The following SOX6 variants were observed in gnomAD, a reference collection of about 807,000 sequenced individuals.
The protein encoded by SOX6 is transcription factor SOX-6.
SOX6 carries 11 observed loss-of-function variants against 97.8 expected under a neutral mutation model. The ratio of observed to expected loss-of-function variants is 0.11; its 90% confidence interval spans 0.07 to 0.19. The LOEUF (loss-of-function observed/expected upper bound fraction) is 0.19, where lower values mean the gene tolerates loss of function less well. Among genes scored for constraint, SOX6 ranks in the 10% least tolerant of loss-of-function variants. SOX6 has a pLI of 1.00. For missense variants in SOX6, 810 were observed against 1,039.5 expected (o/e 0.78, Z 3.04); for synonymous variants, 360 against 371.4 (o/e 0.97, Z 0.35).
intron 4 of SOX6, among the ~76,000 whole-genome samples, chr11:16,194,212 G>T (rs1242792733): frequency 6.6e-6 from 1 of 152,048 alleles, no homozygotes; most frequent in Non-Finnish European, 1.5e-5. Context: ...ACACTAAATG[G>T]CCCTAGTGCA....
In SOX6 at chr11:16,162,666, G is replaced by A. The variant is rs111948989; in HGVS notation, c.777+21220C>T. The stretch of plus-strand genomic sequence containing the variant: ...GCAGATGCCCAGTGCCTTGCTTTCT[G>A]TACAGCCTGCAGAACCATGAGCCTT... On this transcript the variant is annotated intron_variant, in intron 6 of 15. Transcript: ENST00000683767. Among the ~76,000 whole-genome samples, 576 of 152,300 alleles carry A rather than the reference G, an allele frequency of 3.8e-3. 3 individuals carry two copies. The highest frequency in any genetic ancestry group is 5.9e-3 in the Non-Finnish European group (403 of 68,024).
intron 9 of SOX6, among the ~76,000 whole-genome samples, chr11:16,068,384 A>G (rs1667425416): frequency 6.6e-6 from 1 of 152,152 alleles, no homozygotes; most frequent in African/African-American, 2.4e-5. Context: ...ATAACGAGTC[A>G]TTACAGACTG....
intron 6 of SOX6, among the ~76,000 whole-genome samples, chr11:16,165,337 CATT>C (rs1850859631): frequency 6.6e-6 from 1 of 152,180 alleles, no homozygotes; most frequent in Non-Finnish European, 1.5e-5. Flanking sequence ...AAGGCAGAGA[CATT>C]ATCTTTTTCA....
At chr11:16,609,980 G>C (rs1474239943) in intron 4 of SOX6, among the ~76,000 whole-genome samples, 1 of 152,188 alleles carries the variant, frequency 6.6e-6, no homozygotes, top group Non-Finnish European at 1.5e-5. Context: ...CTGGTACCTT[G>C]CTGGGCAGCT....
chr11:16,428,977 T>C (rs1859215189), intron 1 of SOX6, among the ~76,000 whole-genome samples: 1 of 151,970 alleles, frequency 6.6e-6, no homozygotes, highest in African/African-American at 2.4e-5. Context: ...GTTCTTCCAT[T>C]TGTTTGTATC....
intron 1 of SOX6, among the ~76,000 whole-genome samples, chr11:16,471,793 GA>G (rs748575737): frequency 6.6e-6 from 1 of 152,126 alleles, no homozygotes; most frequent in Non-Finnish European, 1.5e-5. Flanking sequence ...GCAGTCAGGA[GA>G]CAGCCCTAGC....
In SOX6 at chr11:16,061,402, C is replaced by A. The variant is rs1440242333; in HGVS notation, c.1102-5501G>T. Among the ~76,000 whole-genome samples the A allele has an allele frequency of 6.7e-5, 10 of 149,962 alleles. No homozygotes were observed. The East Asian group carries it at 2.0e-3, about 29-fold the overall frequency. On this transcript the variant is annotated intron_variant, in intron 9 of 15. Coordinates refer to ENST00000683767, the MANE Select transcript of SOX6 (RefSeq NM_001367873.1). ...TGAAAAAAATTGTAGATGACATAAA[C>A]AAATGGAAAAACATCCAATGGTCAT... is the stretch of plus-strand genomic sequence containing the variant.
At chr11:16,237,094 C>T (rs961916819) in intron 3 of SOX6, among the ~76,000 whole-genome samples, 11 of 151,842 alleles carry the variant, frequency 7.2e-5, no homozygotes, top group African/African-American at 2.7e-4. Flanking sequence ...AAAGTTAGTA[C>T]ATACAAGCTT....
intron 1 of SOX6, among the ~76,000 whole-genome samples, chr11:16,352,681 A>G (rs1003520441): frequency 6.6e-6 from 1 of 152,152 alleles, no homozygotes; most frequent in Non-Finnish European, 1.5e-5. Context: ...ACTAATTTAT[A>G]CCATTCCTGT....
chr11:16,080,450 G>C (rs2133954243), intron 9 of SOX6, among the ~76,000 whole-genome samples: 1 of 152,166 alleles, frequency 6.6e-6, no homozygotes, highest in Non-Finnish European at 1.5e-5. Context: ...TACTCTGAAA[G>C]ATTTTTGTAT....
At chr11:16,642,652 A>T (rs1484039050) in intron 3 of SOX6, among the ~76,000 whole-genome samples, 3 of 151,808 alleles carry the variant, frequency 2.0e-5, no homozygotes, top group Admixed American at 1.3e-4. Flanking sequence ...TTCTCGCTTC[A>T]TTTCATTCTT....
intron 3 of SOX6, among the ~76,000 whole-genome samples, chr11:16,269,759 T>A (rs149748971): frequency 6.3e-4 from 95 of 151,356 alleles, no homozygotes; most frequent in African/African-American, 2.2e-3. Context: ...TGCTATTTTC[T>A]ACAAAAGCTA....
At position 16,532,236 on chromosome 11, in the gene SOX6, A is replaced by T. The variant is rs1861246491; in HGVS notation, n.610-55848T>A. On this transcript the variant is annotated intron_variant and non_coding_transcript_variant, in intron 4 of 5. Coordinates refer to the SOX6 transcript ENST00000524520. ...CATTTTTTTAAGTGACTAGTCTTAG[A>T]ACTAATCCCAAAGAACCCTCTCTGT... 2.0e-5 allele frequency among the ~76,000 whole-genome samples: 3 copies of T among 151,902 alleles called. No individual in the cohort carries two copies. In the South Asian group the frequency reaches 6.2e-4, roughly 31 times the overall value.
intron 1 of SOX6, among the ~76,000 whole-genome samples, chr11:16,472,153 A>G (rs2133116662): frequency 6.6e-6 from 1 of 152,328 alleles, no homozygotes; most frequent in South Asian, 2.1e-4. Context: ...CAGGAAAAAG[A>G]TCCTTTGGGT....
chr11:16,706,981 G>A (rs1848141813), intron 3 of SOX6, among the ~76,000 whole-genome samples: 1 of 151,814 alleles, frequency 6.6e-6, no homozygotes, highest in Admixed American at 6.6e-5. Flanking sequence ...ATGCACACTG[G>A]GAATAGATGT....
intron 3 of SOX6, chr11:16,645,874 G>T (rs972276485): frequency 5.9e-5 from 9 of 152,106 alleles, no homozygotes; most frequent in African/African-American, 2.2e-4. Flanking sequence ...CTTTGTTACA[G>T]CAGCCCTAGA....
chr11:16,373,867 GGAAGGAAGGA>G (rs1565118990), intron 1 of SOX6, among the ~76,000 whole-genome samples: 2 of 26,774 alleles, frequency 7.5e-5, no homozygotes, highest in Non-Finnish European at 2.6e-4. Flanking sequence ...AAGGAAGGAA[GGAAGGAAGGA>G]AGGAAGGAAG....
chr11:16,625,591 C>G (rs757689738), intron 3 of SOX6, among the ~76,000 whole-genome samples: 16 of 152,154 alleles, frequency 1.1e-4, no homozygotes, highest in Admixed American at 7.9e-4. Flanking sequence ...GACTGCTCAC[C>G]AGAAATACCA....
intron 4 of SOX6, among the ~76,000 whole-genome samples, chr11:16,523,203 C>A (rs559106612): frequency 6.6e-6 from 1 of 152,054 alleles, no homozygotes; most frequent in Middle Eastern, 3.2e-3. Flanking sequence ...CACACCACAC[C>A]TATTCCAAAA....
Sources: gnomAD v4.1 joint callset for allele counts (sites outside exome capture counted in the v4.1 genomes callset) on GRCh38, gnomAD v4.1.1 for gene constraint, MANE v1.5 for transcripts, NCBI Gene and HGNC (gene_info 2026-07-23, HGNC 2026-07-21) for gene names.